FRMPD4: variants seen among roughly 807,000 people sequenced by gnomAD.
FRMPD4 encodes FERM and PDZ domain containing 4, also known as FERM and PDZ domain-containing protein 4.
Under a neutral mutation model 94.1 loss-of-function variants are expected in FRMPD4, and 22 were observed. The ratio of observed to expected loss-of-function variants is 0.23; its 90% CI spans 0.17 to 0.33. The LOEUF is 0.33. Among genes scored for constraint, FRMPD4 ranks in the 10% least tolerant of loss-of-function variants. The pLI is 1.00. For synonymous variants in FRMPD4, 631 were observed against 548.6 expected (o/e 1.15, Z -2.10); for missense variants, 1,111 against 1,339.9 (o/e 0.83, Z 2.67).
chrX:12,328,125 C>T (rs2055316346), intron 1 of FRMPD4, among the ~76,000 whole-genome samples: 1 of 111,722 alleles, frequency 9.0e-6, no homozygotes, highest in Non-Finnish European at 1.9e-5. Context: ...CTCTTCCTCA[C>T]AAAGAACAGT....
intron 3 of FRMPD4, among the ~76,000 whole-genome samples, chrX:11,928,112 AAAG>A (rs1442798578): frequency 8.9e-6 from 1 of 112,602 alleles, no homozygotes; most frequent in Non-Finnish European, 1.9e-5. Context: ...ACACTTTTCA[AAAG>A]AAGACATATG....
At chrX:12,450,757 T>C (rs1043895558) in intron 1 of FRMPD4, among the ~76,000 whole-genome samples, 4 of 106,621 alleles carry the variant, frequency 3.8e-5, no homozygotes, top group African/African-American at 1.4e-4. Flanking sequence ...AACCATCTAC[T>C]AAACTGAGAT....
Position 12,332,203 on chromosome X carries a change from TATATAGAGAGAGAG to T in FRMPD4, c.42-166475_42-166462del, listed in dbSNP as rs1455292729. On this transcript the variant is annotated intron_variant, in intron 1 of 16. Transcript: ENST00000675598. ...ATAATTTATATTTTATATATATATA[TATATAGAGAGAGAG>T]AGAGAGAGAGAGAGAGAGAGAGAGA... Among the ~76,000 whole-genome samples the T allele has an allele frequency of 1.1e-3, 76 of 67,907 alleles. 2 individuals carry two copies. Among genetic ancestry groups the T allele is most frequent in the South Asian group, 5.3e-3 (9 of 1,707 alleles). 59.0% of individuals were successfully genotyped at this position (67,907 alleles called of 115,157 possible). A position where few individuals can be genotyped will look rare whatever the true frequency, so the allele number is the denominator to read the frequency against.
chrX:12,414,684 G>A (rs967232047), intron 1 of FRMPD4, among the ~76,000 whole-genome samples: 1 of 111,485 alleles, frequency 9.0e-6, no homozygotes, highest in Non-Finnish European at 1.9e-5. Context: ...TAGAGAAGAG[G>A]GAGCCCAAAA....
intron 3 of FRMPD4, among the ~76,000 whole-genome samples, chrX:11,957,109 T>C (rs1408787480): frequency 1.8e-5 from 2 of 112,383 alleles, no homozygotes; most frequent in Non-Finnish European, 3.8e-5. Flanking sequence ...CCTTGAAGAT[T>C]AACAACTTCC....
chrX:12,479,379 T>G (rs748448712), intron 1 of FRMPD4, among the ~76,000 whole-genome samples: 1 of 103,399 alleles, frequency 9.7e-6, no homozygotes, highest in African/African-American at 3.6e-5. Context: ...TATACATATA[T>G]ACACATATAT....
intron 1 of FRMPD4, among the ~76,000 whole-genome samples, chrX:12,300,280 T>G (rs1382102793): frequency 8.9e-6 from 1 of 111,888 alleles, no homozygotes; most frequent in Non-Finnish European, 1.9e-5. Context: ...ATTCTCTGAC[T>G]GAGTTTTCAG....
intron 1 of FRMPD4, among the ~76,000 whole-genome samples, chrX:12,217,846 T>G (rs764459516): frequency 8.9e-6 from 1 of 112,323 alleles, no homozygotes; most frequent in East Asian, 2.8e-4. Flanking sequence ...ATCTGGAGTT[T>G]TACAGAAAAG....
chrX:11,943,710 T>C (rs996403965), intron 3 of FRMPD4, among the ~76,000 whole-genome samples: 1 of 112,169 alleles, frequency 8.9e-6, no homozygotes, highest in Non-Finnish European at 1.9e-5. Context: ...CAAGTGAATT[T>C]TGGGAGACAA....
intron 1 of FRMPD4, among the ~76,000 whole-genome samples, chrX:11,857,191 G>T (rs927371673): frequency 4.5e-5 from 5 of 111,462 alleles, no homozygotes; most frequent in African/African-American, 1.6e-4. Context: ...ATTCTTCAGA[G>T]AACTAAAGAA....
chrX:12,669,269 G>A (rs2059814882), intron 4 of FRMPD4, among the ~76,000 whole-genome samples: 2 of 111,611 alleles, frequency 1.8e-5, no homozygotes, highest in African/African-American at 6.5e-5. Context: ...GAGGCCCTTG[G>A]TCCAACAGCC....
chrX:12,507,036 G>A (rs191799334), intron 2 of FRMPD4, among the ~76,000 whole-genome samples: 1 of 112,036 alleles, frequency 8.9e-6, no homozygotes, highest in African/African-American at 3.2e-5. Context: ...AGAAGGCCAT[G>A]TCTGTTAACA....
At chrX:11,931,090 CTG>C (rs1222097045) in intron 3 of FRMPD4, among the ~76,000 whole-genome samples, 1 of 111,395 alleles carries the variant, frequency 9.0e-6, no homozygotes, top group East Asian at 2.8e-4. Context: ...TAATTATTTT[CTG>C]TGATTTCTTT....
At chrX:12,110,040 A>G (rs750696874) in intron 3 of FRMPD4, among the ~76,000 whole-genome samples, 1 of 112,339 alleles carries the variant, frequency 8.9e-6, no homozygotes, top group South Asian at 3.7e-4. Context: ...AATCAATAGA[A>G]AAAGAGGGAA....
At chrX:12,130,863 A>T (rs767675477) in intron 3 of FRMPD4, among the ~76,000 whole-genome samples, 2 of 112,145 alleles carry the variant, frequency 1.8e-5, no homozygotes, top group African/African-American at 6.5e-5. Flanking sequence ...AGTTTGAAAT[A>T]TTAAAATATG....
chrX:12,052,744 C>T (rs2054825251), intron 3 of FRMPD4, among the ~76,000 whole-genome samples: 2 of 111,633 alleles, frequency 1.8e-5, no homozygotes, highest in South Asian at 3.8e-4. Flanking sequence ...TACAATTGAG[C>T]TTTTCCTAAG....
intron 2 of FRMPD4, among the ~76,000 whole-genome samples, chrX:12,584,735 T>C (rs1470602060): frequency 8.9e-6 from 1 of 111,899 alleles, no homozygotes; most frequent in Non-Finnish European, 1.9e-5. Flanking sequence ...TTCAAATAAT[T>C]CTGAATCAAA....
At chrX:12,246,045 C>A (rs1185463634) in intron 1 of FRMPD4, among the ~76,000 whole-genome samples, 1 of 111,939 alleles carries the variant, frequency 8.9e-6, no homozygotes, top group Non-Finnish European at 1.9e-5. Context: ...AATTATGGTT[C>A]CAGTATCTTC....
chrX:12,075,282 G>A (rs1376751876), intron 3 of FRMPD4, among the ~76,000 whole-genome samples: 2 of 109,250 alleles, frequency 1.8e-5, no homozygotes, highest in African/African-American at 6.7e-5. Context: ...TATCGATATA[G>A]GTTTATCAGT....
Sources: gnomAD v4.1 joint callset for allele counts (sites outside exome capture counted in the v4.1 genomes callset) on GRCh38, gnomAD v4.1.1 for gene constraint, MANE v1.5 for transcripts, NCBI Gene and HGNC (gene_info 2026-07-23, HGNC 2026-07-21) for gene names.